CDC14B: variants seen among roughly 807,000 people sequenced by gnomAD.
CDC14B encodes dual specificity protein phosphatase CDC14B.
Under a neutral mutation model 64.2 loss-of-function variants are expected in CDC14B, and 22 were observed. The observed-to-expected ratio is 0.34, with a 90% CI of 0.24 to 0.49. The LOEUF (loss-of-function observed/expected upper bound fraction) is 0.49, where lower values mean the gene tolerates loss of function less well. Among genes scored for constraint, CDC14B ranks in the 20% least tolerant of loss-of-function variants. The probability of loss-of-function intolerance (pLI) is 0.99; values close to 1 mark genes in which losing one functional copy is unlikely to be tolerated. For synonymous variants in CDC14B, 191 were observed against 215.8 expected, an observed-to-expected ratio of 0.89 and a Z score of 1.01; for missense variants, 498 against 629.9, an observed-to-expected ratio of 0.79 and a Z score of 2.24.
chr9:96,498,678 A>T (rs1833351754), downstream of CDC14B, among the ~76,000 whole-genome samples: 1 of 152,252 alleles, frequency 6.6e-6, no homozygotes, highest in Non-Finnish European at 1.5e-5. Flanking sequence ...ATCTAGAGAA[A>T]ATGACCTAAA....
chr9:96,533,864 C>A, intron 9 of CDC14B, 63 bp downstream of exon 9: 1 of 972,314 alleles, frequency 1.0e-6, no homozygotes, highest in South Asian at 2.2e-5. Flanking sequence ...TGAATATGGT[C>A]TGTTTCTACA....
chr9:96,534,359 T>C, intron 8 of CDC14B, 96 bp downstream of exon 8: 1 of 898,212 alleles, frequency 1.1e-6, no homozygotes, highest in Non-Finnish European at 1.8e-6. Context: ...AAATAATAAT[T>C]AACACTTGGT....
intron 1 of CDC14B, among the ~76,000 whole-genome samples, chr9:96,580,656 G>C (rs1845093099): frequency 6.6e-6 from 1 of 152,146 alleles, no homozygotes; most frequent in South Asian, 2.1e-4. Context: ...AAATCGACCC[G>C]AGAGAAATAC....
chr9:96,552,228 G>A (rs145687074), intron 4 of CDC14B, among the ~76,000 whole-genome samples: 76 of 152,324 alleles, frequency 5.0e-4, no homozygotes, highest in Admixed American at 1.9e-3. Flanking sequence ...GCTAAGCAGC[G>A]TGTAGGAGAT....
chr9:96,559,722 T>C (rs1045916854), intron 4 of CDC14B, among the ~76,000 whole-genome samples: 1 of 152,146 alleles, frequency 6.6e-6, no homozygotes, highest in African/African-American at 2.4e-5. Flanking sequence ...AGAGCTATAA[T>C]CCTCCTGCCA....
At chr9:96,558,405 G>A (rs1415867191) in intron 4 of CDC14B, among the ~76,000 whole-genome samples, 1 of 152,154 alleles carries the variant, frequency 6.6e-6, no homozygotes, top group Non-Finnish European at 1.5e-5. Context: ...ACTATCACAT[G>A]TAACCCATAA....
At chr9:96,510,567 G>C (rs1281565692) in intron 12 of CDC14B, among the ~76,000 whole-genome samples, 1 of 151,622 alleles carries the variant, frequency 6.6e-6, no homozygotes, top group East Asian at 1.9e-4. Flanking sequence ...AATTGTTATA[G>C]GGAAAACAGC....
At chr9:96,568,127 G>C (rs1385558152) in intron 1 of CDC14B, among the ~76,000 whole-genome samples, 2 of 152,138 alleles carry the variant, frequency 1.3e-5, no homozygotes, top group Non-Finnish European at 2.9e-5. Flanking sequence ...GTTTTCTATA[G>C]AAAAGTGTTA....
intron 13 of CDC14B, among the ~76,000 whole-genome samples, chr9:96,504,936 A>G (rs1833918352): frequency 6.6e-6 from 1 of 152,202 alleles, no homozygotes; most frequent in African/African-American, 2.4e-5. Context: ...GCACTTTGAG[A>G]GGCCGAGGCA....
chr9:96,494,364 C>T (rs999493053), intron 13 of CDC14B, among the ~76,000 whole-genome samples: 5 of 152,244 alleles, frequency 3.3e-5, no homozygotes, highest in Non-Finnish European at 7.3e-5. Context: ...AGCCATGTGG[C>T]GATGGCCATG....
intron 4 of CDC14B, among the ~76,000 whole-genome samples, chr9:96,560,971 C>T (rs1843095575): frequency 6.6e-6 from 1 of 152,080 alleles, no homozygotes; most frequent in South Asian, 2.1e-4. Context: ...GTCTCACTCA[C>T]TGTCACCCAG....
intron 1 of CDC14B, among the ~76,000 whole-genome samples, chr9:96,595,089 T>G (rs1845997050): frequency 6.6e-6 from 1 of 152,092 alleles, no homozygotes; most frequent in African/African-American, 2.4e-5. Flanking sequence ...AGGCAGAGGT[T>G]GCAGTGAGCT....
chr9:96,565,361 A>G (rs775931090), intron 2 of CDC14B, 32 bp downstream of exon 2: 10 of 1,379,676 alleles, frequency 7.2e-6, no homozygotes, highest in Non-Finnish European at 1.0e-5. Flanking sequence ...TCAAAAACAA[A>G]AAGTTAAAAT....
At position 96,545,127 on chromosome 9, in the gene CDC14B, T is replaced by G. The variant is rs530831736; in HGVS notation, c.498-3235A>C. On this transcript the variant is annotated intron_variant, in intron 5 of 13. Coordinates refer to ENST00000375241, the MANE Select transcript of CDC14B (RefSeq NM_033331.4). ...TGTTCAAGTTTATGAATCACCAACCTACAAATCAACACAAATCCTGGTTTT... is the reference window on the plus strand; with the variant it reads ...TGTTCAAGTTTATGAATCACCAACCGACAAATCAACACAAATCCTGGTTTT... Among the ~76,000 whole-genome samples the G allele has an allele frequency of 3.3e-5, 5 of 152,180 alleles. No individual in the cohort carries two copies. In the South Asian group the frequency reaches 1.0e-3, roughly 32 times the overall value.
chr9:96,541,468 A>G (rs1317258138), intron 6 of CDC14B, among the ~76,000 whole-genome samples: 2 of 152,246 alleles, frequency 1.3e-5, no homozygotes, highest in East Asian at 1.9e-4. Flanking sequence ...TCAGGTATAT[A>G]GAATATACAA....
At chr9:96,551,314 G>A (rs1388602140) in intron 5 of CDC14B, among the ~76,000 whole-genome samples, 1 of 151,692 alleles carries the variant, frequency 6.6e-6, no homozygotes, top group East Asian at 1.9e-4. Context: ...TAGAGATGGG[G>A]TCTGTCTTTG....
At chr9:96,528,262 C>T (rs1039514242) in intron 9 of CDC14B, among the ~76,000 whole-genome samples, 16 of 152,338 alleles carry the variant, frequency 1.1e-4, no homozygotes, top group African/African-American at 3.6e-4. Context: ...TGGCTCACAC[C>T]TGTAATCTCA....
intron 1 of CDC14B, among the ~76,000 whole-genome samples, chr9:96,577,098 T>C (rs1488772774): frequency 1.3e-5 from 2 of 151,690 alleles, no homozygotes; most frequent in East Asian, 3.9e-4. Context: ...ACTAAAAATA[T>C]AAAATGAGCC....
intron 1 of CDC14B, among the ~76,000 whole-genome samples, chr9:96,578,402 A>G (rs989921708): frequency 6.6e-6 from 1 of 152,212 alleles, no homozygotes; most frequent in Non-Finnish European, 1.5e-5. Flanking sequence ...GTGGAAAGGG[A>G]AAAATAGTAA....
Sources: allele counts gnomAD v4.1 joint callset (sites outside exome capture counted in the v4.1 genomes callset), GRCh38; gene constraint gnomAD v4.1.1; transcripts MANE v1.5; gene names NCBI Gene and HGNC (gene_info 2026-07-23, HGNC 2026-07-21).